CPVL: variants seen among roughly 807,000 people sequenced by gnomAD.
The protein encoded by CPVL is probable serine carboxypeptidase CPVL.
Under a neutral mutation model 63.7 loss-of-function variants are expected in CPVL, and 51 were observed. The observed-to-expected ratio is 0.80, with a 90% confidence interval of 0.64 to 1.01. The LOEUF is 1.01. Ranked by LOEUF, CPVL falls within the 50% of genes least tolerant of loss-of-function variation. The pLI, the probability that CPVL is intolerant of heterozygous loss-of-function variation, is 0.00. For synonymous variants in CPVL, 195 were observed against 206.0 expected (o/e 0.95, Z 0.46); for missense variants, 530 against 573.1 (o/e 0.92, Z 0.77).
chr7:29,195,414 C>G (rs1783563842), upstream of CPVL: 1 of 190,260 alleles, frequency 5.3e-6, no homozygotes, highest in Non-Finnish European at 1.1e-5. Context: ...CAGAGGGGAG[C>G]AAACCCTCGC....
intron 11 of CPVL, among the ~76,000 whole-genome samples, chr7:29,035,975 A>G (rs987459028): frequency 6.6e-6 from 1 of 152,058 alleles, no homozygotes; most frequent in African/African-American, 2.4e-5. Context: ...TGATAAGTCT[A>G]CTCATTAGTT....
At chr7:29,087,221 C>T (rs531330371) in intron 6 of CPVL, among the ~76,000 whole-genome samples, 25 of 152,020 alleles carry the variant, frequency 1.6e-4, no homozygotes, top group African/African-American at 4.6e-4. Flanking sequence ...GTCAGGAGTT[C>T]GAGACCAGCC....
At chr7:29,091,511 G>A (rs1053057006) in intron 6 of CPVL, among the ~76,000 whole-genome samples, 1 of 152,126 alleles carries the variant, frequency 6.6e-6, no homozygotes. Context: ...ACTGCCGTCC[G>A]TTACGTCTGT....
At chr7:29,067,469 T>C (rs1339451007) in intron 9 of CPVL, among the ~76,000 whole-genome samples, 1 of 152,036 alleles carries the variant, frequency 6.6e-6, no homozygotes, top group Non-Finnish European at 1.5e-5. Context: ...AGTCACATGA[T>C]GAGCAAGGAA....
At chr7:29,178,370 C>T (rs745438419) in intron 5 of CPVL, among the ~76,000 whole-genome samples, 2 of 152,156 alleles carry the variant, frequency 1.3e-5, no homozygotes, top group Non-Finnish European at 2.9e-5. Flanking sequence ...CAGCCTCTGA[C>T]CTGGTCTTCC....
At chr7:29,037,288 T>C (rs1788621376) in intron 11 of CPVL, among the ~76,000 whole-genome samples, 1 of 151,950 alleles carries the variant, frequency 6.6e-6, no homozygotes, top group Admixed American at 6.6e-5. Context: ...CTCACACCTA[T>C]AATCCCAGCA....
chr7:29,036,813 G>T (rs1433883764), intron 11 of CPVL, among the ~76,000 whole-genome samples: 3 of 152,104 alleles, frequency 2.0e-5, no homozygotes, highest in Non-Finnish European at 4.4e-5. Flanking sequence ...TTCTTATTAT[G>T]TTCCAGGAAC....
At chr7:29,019,088 T>C (rs909732862) in intron 12 of CPVL, among the ~76,000 whole-genome samples, 8 of 152,036 alleles carry the variant, frequency 5.3e-5, no homozygotes, top group Admixed American at 4.6e-4. Context: ...TATGTAAGCA[T>C]AGAGAGCATT....
At chr7:29,195,040 T>C in intron 1 of CPVL, 2 of 1,559,344 alleles carry the variant, frequency 1.3e-6, no homozygotes, top group South Asian at 1.2e-5. Flanking sequence ...CTCGCCCCAC[T>C]GCCCTCGCCC....
chr7:29,183,339 C>T (rs1404179656), intron 4 of CPVL, among the ~76,000 whole-genome samples: 1 of 151,522 alleles, frequency 6.6e-6, no homozygotes, highest in Non-Finnish European at 1.5e-5. Flanking sequence ...CTGCCTTGGC[C>T]TCCCAAAGTG....
At chr7:29,069,334 G>A (rs1274920133) in intron 9 of CPVL, among the ~76,000 whole-genome samples, 1 of 151,418 alleles carries the variant, frequency 6.6e-6, no homozygotes, top group Non-Finnish European at 1.5e-5. Context: ...CCAGCTACTC[G>A]GGAGGCTGAG....
At chr7:29,043,239 C>T (rs904517174) in intron 11 of CPVL, among the ~76,000 whole-genome samples, 4 of 146,960 alleles carry the variant, frequency 2.7e-5, no homozygotes, top group South Asian at 2.1e-4. Flanking sequence ...TTTTCTTTAC[C>T]TTTTTTTTTT....
intron 11 of CPVL, among the ~76,000 whole-genome samples, chr7:29,042,106 T>A (rs2128164921): frequency 6.6e-6 from 1 of 152,092 alleles, no homozygotes; most frequent in African/African-American, 2.4e-5. Flanking sequence ...GGACAGCCAC[T>A]CTCGGAGGAG....
intron 4 of CPVL, among the ~76,000 whole-genome samples, chr7:29,182,378 T>C (rs1798168726): frequency 6.6e-6 from 1 of 150,508 alleles, no homozygotes; most frequent in Non-Finnish European, 1.5e-5. Context: ...AAGCAAAAGC[T>C]CCTCATTGTG....
intron 11 of CPVL, among the ~76,000 whole-genome samples, chr7:29,041,014 G>A (rs546241552): frequency 6.6e-6 from 1 of 152,032 alleles, no homozygotes; most frequent in South Asian, 2.1e-4. Context: ...AAGTCCTGGG[G>A]CCCCTTCTAG....
At chr7:29,194,873 C>G in intron 1 of CPVL, 4 of 1,335,648 alleles carry the variant, frequency 3.0e-6, no homozygotes, top group Non-Finnish European at 3.8e-6. Flanking sequence ...TGCGAGCGGC[C>G]GGGCGAGGGC....
intron 12 of CPVL, chr7:29,012,149 A>G (rs768835157): frequency 2.6e-5 from 4 of 151,504 alleles, no homozygotes; most frequent in Non-Finnish European, 1.5e-5. Context: ...CTTACTTATA[A>G]TAAGACTTCA....
At chr7:29,104,568 CTT>C (rs1427029377) in intron 3 of CPVL, among the ~76,000 whole-genome samples, 2 of 152,146 alleles carry the variant, frequency 1.3e-5, no homozygotes, top group Non-Finnish European at 2.9e-5. Flanking sequence ...GCCTCAAAAT[CTT>C]TTTTTGTTTT....
upstream of CPVL, among the ~76,000 whole-genome samples, chr7:29,150,645 A>G (rs370684830): frequency 6.6e-6 from 1 of 152,234 alleles, no homozygotes; most frequent in African/African-American, 2.4e-5. Flanking sequence ...CCAGCAAGAT[A>G]AATGTGGAGC....
Sources: allele counts gnomAD v4.1 joint callset (sites outside exome capture counted in the v4.1 genomes callset), GRCh38; gene constraint gnomAD v4.1.1; transcripts MANE v1.5; gene names NCBI Gene and HGNC (gene_info 2026-07-23, HGNC 2026-07-21).